The following CNTNAP1 variants were observed in gnomAD, a reference collection of about 807,000 sequenced individuals.
CNTNAP1 encodes the protein contactin-associated protein 1.
A neutral mutation model predicts 161.5 loss-of-function variants in CNTNAP1; 80 were observed. The ratio of observed to expected loss-of-function variants is 0.50; its 90% CI spans 0.41 to 0.60. The LOEUF (loss-of-function observed/expected upper bound fraction) is 0.60. Among genes scored for constraint, CNTNAP1 ranks in the 20% least tolerant of loss-of-function variants. The pLI, the probability that CNTNAP1 is intolerant of heterozygous loss-of-function variation, is 0.00. For synonymous variants in CNTNAP1, 695 were observed against 733.1 expected (o/e 0.95, Z 0.84); for missense variants, 1,464 against 1,854.8 (o/e 0.79, Z 3.87).
At chr17:42,693,671 T>C in intron 18 of CNTNAP1, 135 bp downstream of exon 18, 1 of 1,337,796 alleles carries the variant, frequency 7.5e-7, no homozygotes, top group Non-Finnish European at 1.0e-6. Flanking sequence ...AGCTCTGAGT[T>C]TGGGGAGTTA....
Position 42,686,148 on chromosome 17 carries a change from G to A in CNTNAP1, c.900+7G>A, listed in dbSNP as rs1162518974. ...GCTGAACCTGGACACTGAGGTGAGA[G>A]ACTAGGGAGGTGCTATTTCGTGGTA... is the stretch of plus-strand genomic sequence containing the variant. On this transcript the variant is annotated splice_region_variant and intron_variant, in intron 6 of 23. Transcript: ENST00000264638. The A allele has an allele frequency of 1.2e-6, 2 of 1,613,576 alleles. No individual in the cohort carries two copies. Among genetic ancestry groups the A allele is most frequent in the African/African-American group, 1.3e-5 (1 of 74,940 alleles).
At chr17:42,686,371 T>C (rs1320715075) in intron 6 of CNTNAP1, among the ~76,000 whole-genome samples, 3 of 150,578 alleles carry the variant, frequency 2.0e-5, no homozygotes, top group Non-Finnish European at 3.0e-5. Context: ...ACATCCTACC[T>C]CTATTTAAAA....
At position 42,693,516 on chromosome 17, in the gene CNTNAP1, A is replaced by G. The variant is rs1290522222; in HGVS notation, c.2972A>G (p.Asp991Gly). Residue 991 changes from aspartate to glycine, a missense_variant, in exon 18 of 24, where the codon GAT (aspartate) becomes GGT (glycine). Asp to Gly is a moderately conservative substitution (Grantham distance 94). Coordinates refer to ENST00000264638, the MANE Select transcript of CNTNAP1 (RefSeq NM_003632.3). ...YTCDCDLTAF[D>G]GPYCNHDIGG... is the part of the protein sequence containing the mutation. The stretch of plus-strand genomic sequence containing the variant: ...TGTGACTGTGACCTCACGGCTTTTG[A>G]TGGGCCATACTGCAACCACGGTAAG... 2 of 1,613,912 alleles carry G rather than the reference A, an allele frequency of 1.2e-6. No individual in the cohort carries two copies. The highest frequency in any genetic ancestry group is 3.3e-4 in the Middle Eastern group (2 of 6,062).
chr17:42,686,198 C>T, intron 6 of CNTNAP1, 57 bp downstream of exon 6: 2 of 1,544,364 alleles, frequency 1.3e-6, no homozygotes, highest in South Asian at 1.1e-5. Flanking sequence ...TGAGTGAGTG[C>T]AGGTCGGTCT....
At chr17:42,689,887 C>T (rs1399022899) in intron 11 of CNTNAP1, 7 of 597,016 alleles carry the variant, frequency 1.2e-5, no homozygotes, top group South Asian at 1.9e-5. Context: ...ACTACAGGTG[C>T]ACACCACCAC....
chr17:42,692,799 G>C, intron 17 of CNTNAP1, 79 bp downstream of exon 17: 1 of 1,359,212 alleles, frequency 7.4e-7, no homozygotes. Flanking sequence ...GTTTCCAGGA[G>C]CCTCCTGTCT....
rs143542325 is a variant in CNTNAP1, at chr17:42,695,718, C to T, written c.3190C>T (p.Arg1064Trp). The change falls in exon 19 of 24, where the codon CGG becomes TGG. Residue 1064 changes from arginine (R) to tryptophan (W), a missense_variant. By Grantham distance (101) the Arg-to-Trp change is moderately radical. Transcript: ENST00000264638. ...GPGYRLPDYPRPGRPVPGYRG... is the reference protein window; with the variant it reads ...GPGYRLPDYPWPGRPVPGYRG... ...CGGGTACCGCCTGCCCGACTACCCC[C>T]GGCCTGGTCGGCCTGTGCCCGGTTA... is the stretch of plus-strand genomic sequence containing the variant. The T allele has an allele frequency of 2.0e-5, 32 of 1,614,168 alleles. No individual in the cohort carries two copies. The South Asian group carries it at 3.0e-4, about 15-fold the overall frequency.
Position 42,691,166 on chromosome 17 carries a change from C to G in CNTNAP1, c.2089C>G (p.Arg697Gly). The change falls in exon 14 of 24, where the codon CGA becomes GGA. Residue 697 changes from arginine to glycine, a missense_variant. Around this residue, in one of 3 missense-constraint regions of CNTNAP1, gnomAD observed 1,383 missense variants for 1,765.0 expected, o/e 0.78. Coordinates refer to ENST00000264638, the MANE Select transcript of CNTNAP1 (RefSeq NM_003632.3). The surrounding 1 kb of genome is among the most constrained non-coding windows in gnomAD (Gnocchi z 4.3). Reference protein sequence around the residue: ...GGYPYSFWIGRNEEQHFYWGG... With the variant: ...GGYPYSFWIGGNEEQHFYWGG... ...CTACCCCTACAGCTTTTGGATTGGCCGAAATGAGGAGCAGCACTTCTACTG... is the reference window on the plus strand; with the variant it reads ...CTACCCCTACAGCTTTTGGATTGGCGGAAATGAGGAGCAGCACTTCTACTG... The G allele has an allele frequency of 6.2e-7, 1 of 1,614,128 alleles. No individual in the cohort carries two copies. The highest frequency in any genetic ancestry group is 8.5e-7 in the Non-Finnish European group (1 of 1,180,004).
Position 42,695,887 on chromosome 17 carries a change from G to C in CNTNAP1, c.3346+13G>C. On this transcript the variant is annotated intron_variant, in intron 19 of 23. Coordinates refer to ENST00000264638, the MANE Select transcript of CNTNAP1 (RefSeq NM_003632.3). ...ATCAAGGATGATGGTAAGCTCTCCC[G>C]GGCTCTCTCACCCCACTCCAGCTTC... is the stretch of plus-strand genomic sequence containing the variant. 1 of 1,605,706 alleles carries C rather than the reference G, an allele frequency of 6.2e-7. No homozygotes were observed.
intron 8 of CNTNAP1, among the ~76,000 whole-genome samples, chr17:42,688,190 G>A (rs2053042678): frequency 6.6e-6 from 1 of 152,194 alleles, no homozygotes; most frequent in South Asian, 2.1e-4. Context: ...CTTGGAGAAG[G>A]GGGAAGCCTG....
chr17:42,686,948 T>G lies in CNTNAP1; in HGVS notation c.946T>G (p.Tyr316Asp). 1.2e-6 allele frequency: 2 copies of G among 1,613,808 alleles called. No homozygotes were observed. The highest frequency in any genetic ancestry group is 1.7e-6 in the Non-Finnish European group (2 of 1,179,816). ...LVGAARKNLAYRHNFRGCIEN... is the reference protein window; with the variant it reads ...LVGAARKNLADRHNFRGCIEN... ...GGGCGCCGCGCGGAAGAACCTGGCCTATCGGCATAACTTCCGCGGCTGCAT... is the reference window on the plus strand; with the variant it reads ...GGGCGCCGCGCGGAAGAACCTGGCCGATCGGCATAACTTCCGCGGCTGCAT... The change falls in exon 7 of 24, where the codon TAT becomes GAT. Residue 316 changes from tyrosine (Y) to aspartate (D), a missense_variant. Physicochemically the swap from Tyr to Asp is radical, Grantham distance 160. Transcript: ENST00000264638.
At chr17:42,688,334 G>C in intron 8 of CNTNAP1, 128 bp from the exon 9 acceptor site, 1 of 1,247,392 alleles carries the variant, frequency 8.0e-7, no homozygotes, top group African/African-American at 1.5e-5. Flanking sequence ...CTGGGTGTGA[G>C]AAGTGTAATC....
rs111349241 is a variant in CNTNAP1, at chr17:42,695,732, T to C, written c.3204T>C (p.Pro1068=). Residue 1068 remains proline, a synonymous_variant, in exon 19 of 24, where the codon CCT becomes CCC. Coordinates refer to ENST00000264638, the MANE Select transcript of CNTNAP1 (RefSeq NM_003632.3). ...CCGACTACCCCCGGCCTGGTCGGCCTGTGCCCGGTTACCGTGGGCCTGTCT... is the reference window on the plus strand; with the variant it reads ...CCGACTACCCCCGGCCTGGTCGGCCCGTGCCCGGTTACCGTGGGCCTGTCT... ...RLPDYPRPGR[P]VPGYRGPVYN... is the part of the protein sequence containing the mutation. 1.2e-6 allele frequency: 2 copies of C among 1,614,078 alleles called. No individual in the cohort carries two copies. The highest frequency in any genetic ancestry group is 1.7e-6 in the Non-Finnish European group (2 of 1,180,046).
Position 42,691,152 on chromosome 17 carries a change from G to A in CNTNAP1, c.2075G>A (p.Ser692Asn). 2 of 1,614,142 alleles carry A rather than the reference G, an allele frequency of 1.2e-6. No individual in the cohort carries two copies. The highest frequency in any genetic ancestry group is 1.7e-6 in the Non-Finnish European group (2 of 1,180,004). The change falls in exon 14 of 24, where the codon AGC becomes AAC. Residue 692 changes from serine (S) to asparagine (N), a missense_variant. Physicochemically the swap from Ser to Asn is conservative, Grantham distance 46. Around this residue, in one of 3 missense-constraint regions of CNTNAP1, gnomAD observed 1,383 missense variants for 1,765.0 expected, o/e 0.78. Transcript: ENST00000264638. This position sits in a 1 kb window ranked among gnomAD's most constrained non-coding sequence, Gnocchi z 4.3. The part of the protein sequence containing the change: ...LLNTAGGYPY[S>N]FWIGRNEEQH... ...TCTTCCCCAGGAGGCTACCCCTACA[G>A]CTTTTGGATTGGCCGAAATGAGGAG...
intron 23 of CNTNAP1, among the ~76,000 whole-genome samples, 173 bp from the exon 24 acceptor site, chr17:42,698,445 A>ATGTGTGTGTGTG (rs71276881): frequency 1.8e-4 from 25 of 139,590 alleles, no homozygotes; most frequent in African/African-American, 5.0e-4. Flanking sequence ...CCAAAAGTAA[A>ATGTGTGTGTGTG]TGTGTGTGTG....
Position 42,682,673 on chromosome 17 carries a change from C to A in CNTNAP1, c.-157C>A, listed in dbSNP as rs1228195753. On this transcript the variant is annotated 5_prime_UTR_variant, in exon 1 of 24. Transcript: ENST00000264638. ...GAGAAAAGAGAGAGGAGAGACAGAG[C>A]GCTTGGGGGCGAAAGGAGAGAGGGA... 1 of 677,786 alleles carries A rather than the reference C, an allele frequency of 1.5e-6. No homozygotes were observed. Among genetic ancestry groups the A allele is most frequent in the African/African-American group, 1.8e-5 (1 of 54,650 alleles). 42.0% of individuals were successfully genotyped at this position (677,786 alleles called of 1,614,324 possible).
rs2053074356 is a variant in CNTNAP1, at chr17:42,690,727, CTT to C, written c.1856-11_1856-10del. 3 of 1,612,148 alleles carry C rather than the reference CTT, an allele frequency of 1.9e-6. No individual in the cohort carries two copies. The highest frequency in any genetic ancestry group is 4.5e-5 in the East Asian group (2 of 44,818). The stretch of plus-strand genomic sequence containing the variant: ...AACTCCAGCCAAAGCTCTGTCCCCT[CTT>C]GTCTGCCAGAGAACCGAGCGTGGAC... On this transcript the variant is annotated splice_polypyrimidine_tract_variant and intron_variant, in intron 12 of 23. Coordinates refer to ENST00000264638, the MANE Select transcript of CNTNAP1 (RefSeq NM_003632.3).
intron 1 of CNTNAP1, chr17:42,683,556 G>C (rs1268530144): frequency 7.5e-7 from 1 of 1,333,026 alleles, no homozygotes; most frequent in South Asian, 1.9e-5. Context: ...AACCAGGGCA[G>C]GTATTGGGCT....
chr17:42,693,252 C>A, intron 17 of CNTNAP1, 45 bp from the exon 18 acceptor site: 1 of 1,608,312 alleles, frequency 6.2e-7, no homozygotes, highest in Non-Finnish European at 8.5e-7. Flanking sequence ...AGCCACCGCG[C>A]CTGGCCCTGC....
Sources: allele counts gnomAD v4.1 joint callset (sites outside exome capture counted in the v4.1 genomes callset), GRCh38; gene constraint gnomAD v4.1.1; regional missense constraint gnomAD v4.1.1; non-coding constraint Gnocchi (gnomAD v3.1); transcripts MANE v1.5; gene names NCBI Gene and HGNC (gene_info 2026-07-23, HGNC 2026-07-21).